ADAMTSL2: variants seen among roughly 807,000 people sequenced by gnomAD.
The protein encoded by ADAMTSL2 is ADAMTS-like protein 2.
Under a neutral mutation model 117.0 loss-of-function variants are expected in ADAMTSL2, and 55 were observed. The ratio of observed to expected loss-of-function variants is 0.47; its 90% CI spans 0.38 to 0.59. The LOEUF is 0.59. Among genes scored for constraint, ADAMTSL2 ranks in the 20% least tolerant of loss-of-function variants. ADAMTSL2 has a pLI of 0.00. For synonymous variants in ADAMTSL2, 572 were observed against 566.4 expected (o/e 1.01, Z -0.14); for missense variants, 1,182 against 1,354.5 (o/e 0.87, Z 2.00).
chr9:133,563,818 G>GGAGAGAGAGAGAGA (rs1359493983), intron 12 of ADAMTSL2, among the ~76,000 whole-genome samples: 1 of 33,492 alleles, frequency 3.0e-5, no homozygotes, highest in Admixed American at 3.3e-4. Flanking sequence ...AGAGAAAGGG[G>GGAGAGAGAGAGAGA]GAGAGAGAGA....
chr9:133,543,756 A>G (rs1830281115), intron 7 of ADAMTSL2, among the ~76,000 whole-genome samples: 2 of 152,242 alleles, frequency 1.3e-5, no homozygotes, highest in Non-Finnish European at 2.9e-5. Context: ...CCCAGGGCGT[A>G]TTAAAATCTC....
intron 13 of ADAMTSL2, among the ~76,000 whole-genome samples, chr9:133,567,542 T>C (rs1273682994): frequency 3.3e-5 from 5 of 152,068 alleles, no homozygotes; most frequent in Non-Finnish European, 2.9e-5. Flanking sequence ...ACAAGTGGGG[T>C]CCCCAGATGA....
chr9:133,541,695 C>T (rs945283198), intron 7 of ADAMTSL2, among the ~76,000 whole-genome samples: 1 of 152,294 alleles, frequency 6.6e-6, no homozygotes, highest in South Asian at 2.1e-4. Context: ...GTTTCAGAGG[C>T]TCCCTGTCGG....
At chr9:133,550,537 T>G (rs1179428084) in intron 9 of ADAMTSL2, among the ~76,000 whole-genome samples, 2 of 152,124 alleles carry the variant, frequency 1.3e-5, no homozygotes, top group African/African-American at 4.8e-5. Flanking sequence ...TGGCTGAGCT[T>G]CTGTGGGCAG....
chr9:133,534,758 A>AGAGGGAGGCGGCGCGGGG lies in ADAMTSL2; in HGVS notation c.-305_-288dup. On this transcript the variant is annotated 5_prime_UTR_variant, in exon 1 of 19. Transcript: ENST00000651351. ...TCTCTTGGATGCTCTTTGAAGTGGG[A>AGAGGGAGGCGGCGCGGGG]GAGGGAGGCGGCGCGGGGGAGGAGG... is the stretch of plus-strand genomic sequence containing the variant. 9 of 1,454,106 alleles carry AGAGGGAGGCGGCGCGGGG rather than the reference A, an allele frequency of 6.2e-6. No individual in the cohort carries two copies. Among genetic ancestry groups the AGAGGGAGGCGGCGCGGGG allele is most frequent in the Admixed American group, 2.5e-5 (1 of 40,654 alleles). 90.1% of individuals were successfully genotyped at this position (1,454,106 alleles called of 1,614,324 possible). A position where few individuals can be genotyped will look rare whatever the true frequency, so the allele number is the denominator to read the frequency against.
At chr9:133,565,130 T>C (rs1830935995) in intron 12 of ADAMTSL2, among the ~76,000 whole-genome samples, 1 of 152,138 alleles carries the variant, frequency 6.6e-6, no homozygotes, top group African/African-American at 2.4e-5. Context: ...GCCCCCAGGC[T>C]TCATCCTCCC....
chr9:133,574,686 G>T (rs1403193749), intron 18 of ADAMTSL2, 60 bp from the exon 19 acceptor site: 18 of 1,491,880 alleles, frequency 1.2e-5, no homozygotes, highest in Non-Finnish European at 1.7e-5. Context: ...GGTCCCTGGG[G>T]TTTTCGCCCC....
At chr9:133,536,351 G>T (rs544209835) in intron 1 of ADAMTSL2, among the ~76,000 whole-genome samples, 1 of 152,370 alleles carries the variant, frequency 6.6e-6, no homozygotes, top group African/African-American at 2.4e-5. Flanking sequence ...CTCAGCCGAG[G>T]CTGGCTGTCT....
intron 17 of ADAMTSL2, 111 bp from the exon 18 acceptor site, chr9:133,573,732 G>T: frequency 1.4e-6 from 2 of 1,411,592 alleles, no homozygotes; most frequent in Non-Finnish European, 2.0e-6. Context: ...ACTCATGGCC[G>T]CCTGGGAAGG....
At chr9:133,559,206 G>C (rs886937742) in intron 11 of ADAMTSL2, among the ~76,000 whole-genome samples, 1 of 152,218 alleles carries the variant, frequency 6.6e-6, no homozygotes, top group African/African-American at 2.4e-5. Context: ...TTAAGGACTG[G>C]TCTTCCGGGT....
rs1830649230 is a variant in ADAMTSL2 at position 133,558,220 on chromosome 9, C to CCCCCGG, written c.1649+2293_1649+2298dup. Among the ~76,000 whole-genome samples the CCCCCGG allele has an allele frequency of 6.6e-6, 1 of 152,188 alleles. No homozygotes were observed. Reference sequence around the variant, plus strand: ...CCCTGACTGCTGAGATGCCGCTGCTCCCCCGGCCGGCCTGCCATCAAAGGA... The same window carrying CCCCCGG: ...CCCTGACTGCTGAGATGCCGCTGCTCCCCCGGCCCCGGCCGGCCTGCCATCAAAGGA... On this transcript the variant is annotated intron_variant, in intron 11 of 18. Coordinates refer to ENST00000651351, the MANE Select transcript of ADAMTSL2 (RefSeq NM_014694.4). The surrounding 1 kb of genome is among the most constrained non-coding windows in gnomAD (Gnocchi z 4.3).
chr9:133,544,413 C>A, intron 7 of ADAMTSL2, 57 bp from the exon 8 acceptor site: 1 of 1,439,570 alleles, frequency 6.9e-7, no homozygotes, highest in Non-Finnish European at 9.8e-7. Context: ...TGGGCGAGTG[C>A]CACCCAAGGC....
At chr9:133,544,932 G>A (rs997158660) in intron 8 of ADAMTSL2, among the ~76,000 whole-genome samples, 1 of 152,214 alleles carries the variant, frequency 6.6e-6, no homozygotes, top group African/African-American at 2.4e-5. Flanking sequence ...AGGTAGCACT[G>A]AGAGGAAGTC....
At chr9:133,563,533 G>A (rs921318033) in intron 12 of ADAMTSL2, among the ~76,000 whole-genome samples, 2 of 152,160 alleles carry the variant, frequency 1.3e-5, no homozygotes, top group Admixed American at 6.5e-5. Context: ...CGCTCGAGAC[G>A]TCTGCAGGGT....
intron 14 of ADAMTSL2, 55 bp downstream of exon 14, chr9:133,568,541 G>A (rs1012849006): frequency 1.2e-4 from 191 of 1,563,910 alleles, no homozygotes; most frequent in Non-Finnish European, 1.6e-4. Flanking sequence ...AGCTGGGCTT[G>A]GGAGATGGAG....
At chr9:133,564,519 G>A (rs897275415) in intron 12 of ADAMTSL2, among the ~76,000 whole-genome samples, 11 of 29,282 alleles carry the variant, frequency 3.8e-4, no homozygotes, top group Admixed American at 4.3e-4. Flanking sequence ...AGAGGGAGAG[G>A]GAGAGAGAGA....
rs1165488596 is a variant in ADAMTSL2, at chr9:133,538,311, T to C, written c.234-38T>C. On this transcript the variant is annotated intron_variant, in intron 3 of 18. Transcript: ENST00000651351. Reference sequence around the variant, plus strand: ...GCCCAGGCGACATTCCTGAAACTCCTCTGCAGCCCTCACTCCGAGCCTGCA... The same window carrying C: ...GCCCAGGCGACATTCCTGAAACTCCCCTGCAGCCCTCACTCCGAGCCTGCA... The C allele has an allele frequency of 1.9e-6, 3 of 1,611,408 alleles. No homozygotes were observed. In the South Asian group the frequency reaches 3.3e-5, roughly 18 times the overall value.
chr9:133,566,855 CT>C, intron 12 of ADAMTSL2, 80 bp from the exon 13 acceptor site: 1 of 1,544,070 alleles, frequency 6.5e-7, no homozygotes, highest in Non-Finnish European at 8.7e-7. Context: ...GGTCAGGTGA[CT>C]TGCCCCAAGT....
At chr9:133,534,518 G>A (rs1588271270), upstream of ADAMTSL2, 8 of 579,818 alleles carry the variant, frequency 1.4e-5, no homozygotes, top group East Asian at 2.5e-4. Context: ...GCCGCTCCTG[G>A]GCCGCCGCCG....
Sources: gnomAD v4.1 joint callset for allele counts (sites outside exome capture counted in the v4.1 genomes callset) on GRCh38, gnomAD v4.1.1 for gene constraint, Gnocchi (gnomAD v3.1) non-coding constraint, MANE v1.5 for transcripts, NCBI Gene and HGNC (gene_info 2026-07-23, HGNC 2026-07-21) for gene names.